BPNT2: variants seen among roughly 807,000 people sequenced by gnomAD.
The protein encoded by BPNT2 is Golgi-resident adenosine 3',5'-bisphosphate 3'-phosphatase.
A neutral mutation model predicts 29.3 loss-of-function variants in BPNT2; 11 were observed. The ratio of observed to expected loss-of-function variants is 0.38; its 90% confidence interval spans 0.24 to 0.62. The LOEUF (loss-of-function observed/expected upper bound fraction) is 0.62. Among genes scored for constraint, BPNT2 ranks in the 20% least tolerant of loss-of-function variants. The pLI, the probability that BPNT2 is intolerant of heterozygous loss-of-function variation, is 0.62. For missense variants in BPNT2, 459 were observed against 473.4 expected, an observed-to-expected ratio of 0.97 and a Z score of 0.28; for synonymous variants, 195 against 187.7, an observed-to-expected ratio of 1.04 and a Z score of -0.32.
In BPNT2 at chr8:56,993,294, T is replaced by A. The variant is rs759136888; in HGVS notation, c.292A>T (p.Thr98Ser). The A allele has an allele frequency of 6.2e-7, 1 of 1,612,126 alleles. No individual in the cohort carries two copies. Among genetic ancestry groups the A allele is most frequent in the South Asian group, 1.1e-5 (1 of 91,074 alleles). Residue 98 changes from threonine to serine, a missense_variant, in exon 1 of 5, where the codon ACG becomes TCG. Transcript: ENST00000262644. ...NVLHEKSKGK[T>S]REGAEDKMTS... is the part of the protein sequence containing the mutation. ...ATCTTGTCCTCGGCTCCCTCGCGCGTCTTCCCCTTGGACTTCTCGTGGAGG... is the reference window on the plus strand; with the variant it reads ...ATCTTGTCCTCGGCTCCCTCGCGCGACTTCCCCTTGGACTTCTCGTGGAGG...
Position 56,993,248 on chromosome 8 carries a change from G to T in BPNT2, c.338C>A (p.Ser113Tyr). The change falls in exon 1 of 5, where the codon TCC (serine) becomes TAC (tyrosine). Residue 113 changes from serine to tyrosine, a missense_variant. Transcript: ENST00000262644. ...GAGCAGGTAGAACATCTTGCGGTTG[G>T]ACAGCACGTCGCCGCTGGTCATCTT... ...EDKMTSGDVL[S>Y]NRKMFYLLKT... 6.2e-7 allele frequency: 1 copy of T among 1,608,444 alleles called. No homozygotes were observed.
chr8:56,986,557 A>G (rs1488694783), intron 1 of BPNT2, among the ~76,000 whole-genome samples: 1 of 152,228 alleles, frequency 6.6e-6, no homozygotes, highest in Non-Finnish European at 1.5e-5. Flanking sequence ...ACGTCCTGAT[A>G]AACCCATTGT....
chr8:56,992,429 G>A (rs953749727), intron 1 of BPNT2, among the ~76,000 whole-genome samples: 2 of 152,096 alleles, frequency 1.3e-5, no homozygotes, highest in African/African-American at 2.4e-5. Flanking sequence ...GTGAAATGAT[G>A]AATTCAAAAA....
chr8:56,969,501 T>C (rs1195157525), intron 3 of BPNT2, among the ~76,000 whole-genome samples: 2 of 152,172 alleles, frequency 1.3e-5, no homozygotes, highest in East Asian at 3.9e-4. Flanking sequence ...GGTGTATAAA[T>C]GGTTTTCTCA....
Position 56,960,793 on chromosome 8 carries a change from CATAAAGGGTTG to C in BPNT2, c.*2989_*2999del, listed in dbSNP as rs1219445930. 3 of 152,112 alleles carry C rather than the reference CATAAAGGGTTG, an allele frequency of 2.0e-5. No individual in the cohort carries two copies. The highest frequency in any genetic ancestry group is 1.5e-5 in the Non-Finnish European group (1 of 68,018). 9.4% of individuals were successfully genotyped at this position (152,112 alleles called of 1,614,324 possible). ...AAAACACTCATATTAGACTTGACAA[CATAAAGGGTTG>C]TGGTTTTGAAGGTGATTTTCCTTTA... On this transcript the variant is annotated 3_prime_UTR_variant, in exon 5 of 5. Transcript: ENST00000262644.
At chr8:56,984,495 GTCA>G (rs1806297050) in intron 1 of BPNT2, among the ~76,000 whole-genome samples, 2 of 152,124 alleles carry the variant, frequency 1.3e-5, no homozygotes, top group Admixed American at 1.3e-4. Context: ...TTCTAAATAT[GTCA>G]TCATGTCTAC....
Position 56,963,622 on chromosome 8 carries a change from CCT to C in BPNT2, c.*169_*170del. On this transcript the variant is annotated 3_prime_UTR_variant, in exon 5 of 5. Coordinates refer to ENST00000262644, the MANE Select transcript of BPNT2 (RefSeq NM_017813.5). ...TTGAGACACAAAGCAACCCATTTTC[CCT>C]GATTTTGCATTCTATTACAGGGAAA... 1 of 655,838 alleles carries C rather than the reference CCT, an allele frequency of 1.5e-6. No homozygotes were observed. The highest frequency in any genetic ancestry group is 2.6e-6 in the Non-Finnish European group (1 of 384,384). 40.6% of individuals were successfully genotyped at this position (655,838 alleles called of 1,614,324 possible).
At chr8:56,979,638 A>C (rs1002556991) in intron 2 of BPNT2, among the ~76,000 whole-genome samples, 2 of 152,196 alleles carry the variant, frequency 1.3e-5, no homozygotes, top group African/African-American at 2.4e-5. Flanking sequence ...AAAAGGCAGA[A>C]ATTAGCTACC....
chr8:56,972,384 G>GTGTATAT (rs1806053547), intron 3 of BPNT2, among the ~76,000 whole-genome samples: 2 of 151,698 alleles, frequency 1.3e-5, no homozygotes, highest in South Asian at 4.2e-4. Flanking sequence ...TGTAACTGTG[G>GTGTATAT]CTGCCTGCTA....
At chr8:56,970,362 A>G (rs950489126) in intron 3 of BPNT2, among the ~76,000 whole-genome samples, 7 of 152,200 alleles carry the variant, frequency 4.6e-5, no homozygotes, top group Admixed American at 2.6e-4. Flanking sequence ...TGCACTTTTT[A>G]TAAGAGGATA....
rs1805790098 is a variant in BPNT2, at chr8:56,959,380, G to A, written c.*4413C>T. 1 of 152,148 alleles carries A rather than the reference G, an allele frequency of 6.6e-6. No homozygotes were observed. The highest frequency in any genetic ancestry group is 2.4e-5 in the African/African-American group (1 of 41,434). The allele number at this position is 152,148 out of a possible 1,614,324, so 9.4% of individuals were successfully genotyped here. On this transcript the variant is annotated 3_prime_UTR_variant, in exon 5 of 5. Transcript: ENST00000262644. ...AAACGATTTACATAAGCAGTACCTG[G>A]TAAAACCAAAACCTCCTTTTGAAGT...
At position 56,959,633 on chromosome 8, in the gene BPNT2, T is replaced by C. The variant is rs907339742; in HGVS notation, c.*4160A>G. ...CTAAGATTTGTAAAACTGTGATCTATCCTGGTCTAATATTATTAAAATTAA... is the reference window on the plus strand; with the variant it reads ...CTAAGATTTGTAAAACTGTGATCTACCCTGGTCTAATATTATTAAAATTAA... On this transcript the variant is annotated 3_prime_UTR_variant, in exon 5 of 5. Coordinates refer to ENST00000262644, the MANE Select transcript of BPNT2 (RefSeq NM_017813.5). 1 of 152,204 alleles carries C rather than the reference T, an allele frequency of 6.6e-6. No individual in the cohort carries two copies. The highest frequency in any genetic ancestry group is 1.9e-4 in the East Asian group (1 of 5,204). 9.4% of individuals were successfully genotyped at this position (152,204 alleles called of 1,614,324 possible).
chr8:56,985,337 C>T (rs187498298), intron 1 of BPNT2, among the ~76,000 whole-genome samples: 303 of 152,180 alleles, frequency 2.0e-3, no homozygotes, highest in Non-Finnish European at 1.7e-3. Flanking sequence ...TAATCCTCTT[C>T]CACTCAACCT....
chr8:56,980,309 T>G, intron 1 of BPNT2, 112 bp from the exon 2 acceptor site: 1 of 836,608 alleles, frequency 1.2e-6, no homozygotes, highest in Non-Finnish European at 1.9e-6. Flanking sequence ...AGTAAATCCC[T>G]ATTTTTATTT....
chr8:56,968,855 A>G (rs1388921053), intron 3 of BPNT2, among the ~76,000 whole-genome samples: 1 of 152,234 alleles, frequency 6.6e-6, no homozygotes, highest in Admixed American at 6.5e-5. Context: ...TCAGATTGTG[A>G]ACTCATTTGG....
At chr8:56,982,125 TC>T (rs1190809383) in intron 1 of BPNT2, among the ~76,000 whole-genome samples, 1 of 150,642 alleles carries the variant, frequency 6.6e-6, no homozygotes, top group African/African-American at 2.5e-5. Context: ...ATTAAATATC[TC>T]TTTTTTTTTT....
chr8:56,964,783 A>C (rs949467040), intron 4 of BPNT2, among the ~76,000 whole-genome samples: 1 of 152,224 alleles, frequency 6.6e-6, no homozygotes, highest in Non-Finnish European at 1.5e-5. Context: ...CCGATGTGAA[A>C]GAGAACTAAC....
chr8:56,965,289 A>G (rs1475105652), intron 4 of BPNT2, among the ~76,000 whole-genome samples: 1 of 152,230 alleles, frequency 6.6e-6, no homozygotes, highest in East Asian at 1.9e-4. Flanking sequence ...ACTGCACTCC[A>G]GCCTGGGAGA....
At position 56,966,111 on chromosome 8, in the gene BPNT2, G is replaced by A; in HGVS notation, c.808+80C>T. The stretch of plus-strand genomic sequence containing the variant: ...CCTCCTCACTTTCCTCCCAAGCATG[G>A]ACAAGCAAATTAGTCTCCTAACATA... On this transcript the variant is annotated intron_variant, in intron 4 of 4. Coordinates refer to ENST00000262644, the MANE Select transcript of BPNT2 (RefSeq NM_017813.5). 2.7e-6 allele frequency: 4 copies of A among 1,492,830 alleles called. No homozygotes were observed. In the South Asian group the frequency reaches 4.6e-5, roughly 17 times the overall value. 92.5% of individuals were successfully genotyped at this position (1,492,830 alleles called of 1,614,324 possible).
Sources: gnomAD v4.1 joint callset for allele counts (sites outside exome capture counted in the v4.1 genomes callset) on GRCh38, gnomAD v4.1.1 for gene constraint, MANE v1.5 for transcripts, NCBI Gene and HGNC (gene_info 2026-07-23, HGNC 2026-07-21) for gene names.